PARD3: variants seen among roughly 807,000 people sequenced by gnomAD.
The protein encoded by PARD3 is par-3 family cell polarity regulator.
Under a neutral mutation model 155.4 loss-of-function variants are expected in PARD3, and 75 were observed. The observed-to-expected ratio is 0.48, with a 90% CI of 0.40 to 0.58. The LOEUF is 0.58. Ranked by LOEUF, PARD3 falls within the 20% of genes least tolerant of loss-of-function variation. The probability of loss-of-function intolerance (pLI) is 0.00; values close to 1 mark genes in which losing one functional copy is unlikely to be tolerated. For missense variants in PARD3, 1,642 were observed against 1,721.7 expected (o/e 0.95, Z 0.82); for synonymous variants, 576 against 610.5 (o/e 0.94, Z 0.83).
At chr10:34,577,992 C>A (rs779560672) in intron 2 of PARD3, among the ~76,000 whole-genome samples, 1 of 151,788 alleles carries the variant, frequency 6.6e-6, no homozygotes, top group East Asian at 1.9e-4. Context: ...GCTGGGACTA[C>A]AGGAACATGC....
At chr10:34,372,411 A>G in intron 12 of PARD3, 87 bp downstream of exon 12, 1 of 1,003,996 alleles carries the variant, frequency 1.0e-6, no homozygotes, top group African/African-American at 1.6e-5. Flanking sequence ...AAAAGGCAGG[A>G]CAAGTAACTT....
chr10:34,388,747 G>C (rs1034413320), intron 7 of PARD3, among the ~76,000 whole-genome samples: 1 of 152,136 alleles, frequency 6.6e-6, no homozygotes, highest in South Asian at 2.1e-4. Flanking sequence ...TTCCTTATTG[G>C]GTCAACCATG....
chr10:34,270,037 G>T, intron 21 of PARD3, 138 bp from the exon 22 acceptor site: 2 of 800,348 alleles, frequency 2.5e-6, no homozygotes, highest in Non-Finnish European at 3.9e-6. Context: ...TAAATGACAG[G>T]TCATACACAT....
chr10:34,513,812 G>A (rs184823395), intron 3 of PARD3, among the ~76,000 whole-genome samples: 1 of 152,284 alleles, frequency 6.6e-6, no homozygotes, highest in Admixed American at 6.5e-5. Flanking sequence ...GTTCTCTGAT[G>A]TCGGATTGTC....
chr10:34,664,526 T>C (rs1423281303), intron 2 of PARD3, among the ~76,000 whole-genome samples: 1 of 151,866 alleles, frequency 6.6e-6, no homozygotes, highest in Non-Finnish European at 1.5e-5. Context: ...TCTCCCTGTG[T>C]TGCCCGGGCT....
At chr10:34,288,972 C>CT (rs1447933326) in intron 20 of PARD3, among the ~76,000 whole-genome samples, 3 of 152,086 alleles carry the variant, frequency 2.0e-5, no homozygotes. Context: ...GAACGACCTT[C>CT]TTTTTTGGAG....
At chr10:34,113,565 A>AG (rs777419681) in intron 24 of PARD3, among the ~76,000 whole-genome samples, 4 of 152,078 alleles carry the variant, frequency 2.6e-5, no homozygotes, top group Non-Finnish European at 4.4e-5. Flanking sequence ...TTCCTTGGTA[A>AG]GGAAGTTAGC....
At chr10:34,529,743 T>C (rs2082715956) in intron 2 of PARD3, among the ~76,000 whole-genome samples, 1 of 151,336 alleles carries the variant, frequency 6.6e-6, no homozygotes. Context: ...TTACTTTACT[T>C]TTTTTTTTGA....
At chr10:34,756,080 A>G (rs1175764898) in intron 1 of PARD3, among the ~76,000 whole-genome samples, 1 of 151,136 alleles carries the variant, frequency 6.6e-6, no homozygotes, top group Non-Finnish European at 1.5e-5. Flanking sequence ...ATCTGGGTTG[A>G]AATCACTGTA....
chr10:34,276,680 T>C (rs1195880474), intron 21 of PARD3, among the ~76,000 whole-genome samples: 1 of 152,140 alleles, frequency 6.6e-6, no homozygotes, highest in Non-Finnish European at 1.5e-5. Context: ...ACCAAACTCC[T>C]TAGGATGGAA....
chr10:34,636,198 C>T (rs1590339175), intron 2 of PARD3, among the ~76,000 whole-genome samples: 1 of 152,112 alleles, frequency 6.6e-6, no homozygotes, highest in South Asian at 2.1e-4. Flanking sequence ...GCCCAGGGCC[C>T]TCATCAGTTT....
chr10:34,465,709 T>A (rs1422564087), intron 4 of PARD3, among the ~76,000 whole-genome samples: 1 of 152,198 alleles, frequency 6.6e-6, no homozygotes, highest in Non-Finnish European at 1.5e-5. Context: ...AGTCTACCTA[T>A]GTTAATTGTT....
At chr10:34,115,475 C>T (rs929754950) in intron 24 of PARD3, among the ~76,000 whole-genome samples, 2 of 152,006 alleles carry the variant, frequency 1.3e-5, no homozygotes, top group African/African-American at 4.8e-5. Context: ...TCAAAGGGTA[C>T]AAATCTCAAT....
At chr10:34,542,402 C>T (rs557656727) in intron 2 of PARD3, among the ~76,000 whole-genome samples, 77 of 152,234 alleles carry the variant, frequency 5.1e-4, no homozygotes, top group African/African-American at 1.8e-3. Flanking sequence ...TTATTGACCT[C>T]TAAACAGTAT....
intron 22 of PARD3, among the ~76,000 whole-genome samples, chr10:34,169,030 A>G (rs1949666917): frequency 1.3e-5 from 2 of 152,192 alleles, no homozygotes; most frequent in African/African-American, 4.8e-5. Flanking sequence ...GCTTTTGCAC[A>G]TTAGATTTTG....
At chr10:34,274,641 G>A (rs1470827671) in intron 21 of PARD3, among the ~76,000 whole-genome samples, 1 of 151,990 alleles carries the variant, frequency 6.6e-6, no homozygotes, top group Non-Finnish European at 1.5e-5. Context: ...GAAGTTTGAA[G>A]GAACACAACA....
chr10:34,802,208 T>C (rs1378089107), intron 1 of PARD3, among the ~76,000 whole-genome samples: 1 of 152,128 alleles, frequency 6.6e-6, no homozygotes, highest in Non-Finnish European at 1.5e-5. Context: ...GCTTAAACTG[T>C]TGGGTGATCT....
intron 4 of PARD3, among the ~76,000 whole-genome samples, chr10:34,465,737 T>C (rs1198095544): frequency 6.6e-6 from 1 of 151,492 alleles, no homozygotes; most frequent in Non-Finnish European, 1.5e-5. Context: ...AAATATCATT[T>C]ACAAAAACAA....
Position 34,132,072 on chromosome 10 carries a change from T to C in PARD3, c.3420-489A>G, listed in dbSNP as rs527272677. Among the ~76,000 whole-genome samples, 179 of 152,314 alleles carry C rather than the reference T, an allele frequency of 1.2e-3. 1 individual carries two copies. Among genetic ancestry groups the C allele is most frequent in the African/African-American group, 4.2e-3 (174 of 41,568 alleles). ...TCAAGTGAGAGGACACCATGAAATA[T>C]AGCTGCACAAATGCACAGCAATATT... On this transcript the variant is annotated intron_variant, in intron 22 of 24. Coordinates refer to ENST00000374788, the MANE Select transcript of PARD3 (RefSeq NM_001184785.2).
Sources: gnomAD v4.1 joint callset for allele counts (sites outside exome capture counted in the v4.1 genomes callset) on GRCh38, gnomAD v4.1.1 for gene constraint, MANE v1.5 for transcripts, NCBI Gene and HGNC (gene_info 2026-07-23, HGNC 2026-07-21) for gene names.